USP25: variants seen among roughly 807,000 people sequenced by gnomAD.
The protein encoded by USP25 is ubiquitin specific peptidase 25.
Under a neutral mutation model 158.5 loss-of-function variants are expected in USP25, and 85 were observed. That is an observed-to-expected ratio of 0.54 (90% confidence interval 0.45 to 0.64). The LOEUF (loss-of-function observed/expected upper bound fraction) is 0.64. Ranked by LOEUF, USP25 falls within the 30% of genes least tolerant of loss-of-function variation. The pLI, the probability that USP25 is intolerant of heterozygous loss-of-function variation, is 0.00. For synonymous variants in USP25, 464 were observed against 460.4 expected (o/e 1.01, Z -0.10); for missense variants, 1,242 against 1,327.3 (o/e 0.94, Z 1.00).
At chr21:15,782,437 T>C (rs2823491) in intron 4 of USP25, among the ~76,000 whole-genome samples, 13,387 of 152,150 alleles carry the variant, frequency 0.088, 602 homozygotes, top group East Asian at 0.099. Context: ...TCCAGACCTG[T>C]GTGCATCCAC....
chr21:15,856,743 G>A (rs7283467), intron 20 of USP25, among the ~76,000 whole-genome samples: 1 of 144,586 alleles, frequency 6.9e-6, no homozygotes, highest in East Asian at 2.1e-4. Context: ...AGTGCTGGGA[G>A]TACAGGCGTG....
rs2038395311 is a variant in USP25, at chr21:15,842,643, A to C, written c.2337+103A>C. The C allele has an allele frequency of 9.9e-6, 14 of 1,418,550 alleles. No individual in the cohort carries two copies. In the Admixed American group the frequency reaches 3.0e-4, roughly 31 times the overall value. 87.9% of individuals were successfully genotyped at this position (1,418,550 alleles called of 1,614,324 possible). Reference sequence around the variant, plus strand: ...CAGGGAGTCAGGAGAGACGGGGCCCAGTGATGGCTCTGCCATGGGCATGAT... The same window carrying C: ...CAGGGAGTCAGGAGAGACGGGGCCCCGTGATGGCTCTGCCATGGGCATGAT... On this transcript the variant is annotated intron_variant, in intron 18 of 25. Transcript: ENST00000400183.
chr21:15,764,245 C>T (rs1645624750), intron 2 of USP25, among the ~76,000 whole-genome samples: 1 of 151,280 alleles, frequency 6.6e-6, no homozygotes, highest in African/African-American at 2.4e-5. Flanking sequence ...CAGAAACTGC[C>T]TTTTTCATTA....
intron 7 of USP25, 124 bp from the exon 8 acceptor site, chr21:15,808,685 T>C: frequency 1.6e-6 from 1 of 615,062 alleles, no homozygotes; most frequent in Non-Finnish European, 2.7e-6. Flanking sequence ...AACATTTCAC[T>C]TGTTATCTTT....
intron 2 of USP25, among the ~76,000 whole-genome samples, chr21:15,764,224 A>G (rs1222566964): frequency 1.3e-5 from 2 of 151,790 alleles, no homozygotes; most frequent in African/African-American, 4.8e-5. Flanking sequence ...ACTAAATTCC[A>G]TGTTTGTTTT....
At chr21:15,807,207 C>T (rs2146278179) in intron 7 of USP25, among the ~76,000 whole-genome samples, 1 of 152,312 alleles carries the variant, frequency 6.6e-6, no homozygotes, top group Non-Finnish European at 1.5e-5. Flanking sequence ...GGATTATAGA[C>T]ATGAGCCACC....
intron 17 of USP25, among the ~76,000 whole-genome samples, chr21:15,839,249 A>G (rs2038211782): frequency 6.6e-6 from 1 of 152,196 alleles, no homozygotes; most frequent in Non-Finnish European, 1.5e-5. Context: ...GGAGGTATAT[A>G]CACAGGGAAA....
chr21:15,730,506 C>T, intron 1 of USP25, 68 bp downstream of exon 1: 3 of 1,287,600 alleles, frequency 2.3e-6, no homozygotes, highest in Non-Finnish European at 3.0e-6. Context: ...CCCGCTGCGG[C>T]CGGGCGCCCC....
At position 15,866,326 on chromosome 21, in the gene USP25, A is replaced by G; in HGVS notation, c.2787A>G (p.Val929=). 4 of 1,604,454 alleles carry G rather than the reference A, an allele frequency of 2.5e-6. No homozygotes were observed. Among genetic ancestry groups the G allele is most frequent in the Non-Finnish European group, 3.4e-6 (4 of 1,175,504 alleles). The change falls in exon 22 of 26, where the codon GTA becomes GTG. Residue 929 remains valine (V), a synonymous_variant. Transcript: ENST00000400183. ...TGGAAATGATAAAACCTGAAGAAGT[A>G]AACTTGGAGGAATATGAGGTAATGT... ...AKLEMIKPEE[V]NLEEYEEWHQ... is the part of the protein sequence containing the mutation.
At chr21:15,829,182 C>T (rs1245160298) in intron 14 of USP25, among the ~76,000 whole-genome samples, 1 of 151,868 alleles carries the variant, frequency 6.6e-6, no homozygotes, top group Non-Finnish European at 1.5e-5. Flanking sequence ...TTTTTATGTT[C>T]AGGGGTACAT....
At chr21:15,834,803 TA>T (rs1224299052) in intron 17 of USP25, among the ~76,000 whole-genome samples, 2 of 152,200 alleles carry the variant, frequency 1.3e-5, no homozygotes, top group Non-Finnish European at 1.5e-5. Context: ...ATACCACCAT[TA>T]TAGTGGCTGG....
chr21:15,787,334 A>C (rs1057263808), intron 4 of USP25, among the ~76,000 whole-genome samples: 3 of 152,130 alleles, frequency 2.0e-5, no homozygotes, highest in African/African-American at 7.2e-5. Flanking sequence ...TAGAGGCATC[A>C]CTACTTGACT....
At chr21:15,819,296 T>C (rs890055078) in intron 10 of USP25, among the ~76,000 whole-genome samples, 9 of 152,202 alleles carry the variant, frequency 5.9e-5, no homozygotes, top group Non-Finnish European at 1.3e-4. Flanking sequence ...ATGGAAGAAC[T>C]TCCCTTCTCA....
chr21:15,758,261 A>G (rs1236058101), intron 1 of USP25, among the ~76,000 whole-genome samples: 1 of 152,198 alleles, frequency 6.6e-6, no homozygotes, highest in Non-Finnish European at 1.5e-5. Context: ...TCACGCTGCT[A>G]TAAGGACATA....
chr21:15,835,891 A>G (rs1279338915), intron 17 of USP25, among the ~76,000 whole-genome samples: 1 of 152,202 alleles, frequency 6.6e-6, no homozygotes, highest in Non-Finnish European at 1.5e-5. Context: ...AGATTATATT[A>G]AGAAATTTGT....
intron 1 of USP25, among the ~76,000 whole-genome samples, chr21:15,739,617 G>A (rs2031850284): frequency 1.3e-5 from 2 of 152,134 alleles, no homozygotes; most frequent in African/African-American, 2.4e-5. Context: ...TGTGCTTAGA[G>A]TAAGGTGTCT....
At chr21:15,790,150 T>C (rs2035514007) in intron 4 of USP25, among the ~76,000 whole-genome samples, 1 of 152,046 alleles carries the variant, frequency 6.6e-6, no homozygotes, top group South Asian at 2.1e-4. Context: ...CCAGTTCATC[T>C]AACTAAATGT....
intron 3 of USP25, among the ~76,000 whole-genome samples, chr21:15,772,111 A>G (rs563346124): frequency 2.6e-5 from 4 of 152,170 alleles, no homozygotes; most frequent in Non-Finnish European, 5.9e-5. Context: ...ATTTAATATA[A>G]TATTTTCATG....
At chr21:15,828,337 G>C (rs1438657595) in intron 14 of USP25, among the ~76,000 whole-genome samples, 1 of 152,130 alleles carries the variant, frequency 6.6e-6, no homozygotes, top group Non-Finnish European at 1.5e-5. Flanking sequence ...ACTCCTCATG[G>C]CAGGTTGTTT....
Sources: gnomAD v4.1 joint callset for allele counts (sites outside exome capture counted in the v4.1 genomes callset) on GRCh38, gnomAD v4.1.1 for gene constraint, MANE v1.5 for transcripts, NCBI Gene and HGNC (gene_info 2026-07-23, HGNC 2026-07-21) for gene names.